Variants in ANKAR observed in about 807,000 individuals in gnomAD.
ANKAR encodes the protein ankyrin and armadillo repeat-containing protein.
Under a neutral mutation model 146.2 loss-of-function variants are expected in ANKAR, and 136 were observed. The ratio of observed to expected loss-of-function variants is 0.93; its 90% CI spans 0.81 to 1.07. The LOEUF (loss-of-function observed/expected upper bound fraction) is 1.07, where lower values mean the gene tolerates loss of function less well. Ranked by LOEUF, ANKAR falls within the 50% of genes least tolerant of loss-of-function variation. The pLI is 0.00. For synonymous variants in ANKAR, 500 were observed against 575.8 expected (o/e 0.87, Z 1.88); for missense variants, 1,567 against 1,679.9 (o/e 0.93, Z 1.18).
At chr2:189,754,245 A>C (rs923450772) in intron 18 of ANKAR, 1 of 1,613,794 alleles carries the variant, frequency 6.2e-7, no homozygotes, top group Non-Finnish European at 8.5e-7. Flanking sequence ...TTTGATGTCA[A>C]AATGAAATCT....
At chr2:189,690,924 A>G (rs924092634) in intron 3 of ANKAR, among the ~76,000 whole-genome samples, 1 of 152,178 alleles carries the variant, frequency 6.6e-6, no homozygotes, top group African/African-American at 2.4e-5. Context: ...CAGGGTGTAT[A>G]GTGTATATTA....
chr2:189,687,227 G>T (rs1408785919), intron 2 of ANKAR, among the ~76,000 whole-genome samples: 1 of 152,056 alleles, frequency 6.6e-6, no homozygotes, highest in South Asian at 2.1e-4. Context: ...TGCAAAGTTT[G>T]TCTTTCTGTG....
intron 11 of ANKAR, 130 bp downstream of exon 11, chr2:189,719,943 G>A: frequency 9.4e-7 from 1 of 1,065,590 alleles, no homozygotes; most frequent in Non-Finnish European, 1.3e-6. Flanking sequence ...GGAAAAGGGA[G>A]AGAGGGTGCC....
At chr2:189,714,810 G>C (rs1033138683) in intron 10 of ANKAR, among the ~76,000 whole-genome samples, 1 of 151,996 alleles carries the variant, frequency 6.6e-6, no homozygotes, top group Non-Finnish European at 1.5e-5. Context: ...GCCAGGCGTG[G>C]TGGTGGGTAC....
In ANKAR at chr2:189,705,110, C is replaced by T. The variant is rs759825015; in HGVS notation, c.1796C>T (p.Ser599Phe). The change falls in exon 8 of 23, where the codon TCT becomes TTT. Residue 599 changes from serine (S) to phenylalanine (F), a missense_variant. Coordinates refer to ENST00000684021, the MANE Select transcript of ANKAR (RefSeq NM_001378068.1). ...LLCSKADYTL[S>F]EKRGWMPIHF... ...TGTTCCAAAGCTGATTACACGCTTT[C>T]TGAAAAAAGAGGCTGGATGCCGATT... 5 of 1,613,926 alleles carry T rather than the reference C, an allele frequency of 3.1e-6. No individual in the cohort carries two copies. The highest frequency in any genetic ancestry group is 1.1e-5 in the South Asian group (1 of 91,078).
At chr2:189,760,103 G>A (rs1350774326) in intron 18 of ANKAR, among the ~76,000 whole-genome samples, 1 of 152,218 alleles carries the variant, frequency 6.6e-6, no homozygotes, top group Non-Finnish European at 1.5e-5. Flanking sequence ...AGCATCCCAA[G>A]GCAGAAGGAT....
chr2:189,706,433 A>G (rs1202731870), intron 8 of ANKAR, among the ~76,000 whole-genome samples: 2 of 152,112 alleles, frequency 1.3e-5, no homozygotes, highest in Non-Finnish European at 2.9e-5. Flanking sequence ...GGGAAATGTA[A>G]TATTGCACTG....
chr2:189,693,768 A>G (rs530419981), intron 5 of ANKAR, among the ~76,000 whole-genome samples: 2 of 151,948 alleles, frequency 1.3e-5, no homozygotes, highest in African/African-American at 4.8e-5. Context: ...TTTGTTTATG[A>G]GACAGAGTCT....
downstream of ANKAR, chr2:189,762,571 C>A (rs2047270264): frequency 5.1e-6 from 5 of 984,882 alleles, no homozygotes; most frequent in Non-Finnish European, 6.0e-6. Context: ...ACCCACGTGA[C>A]TTGGGTAGCG....
intron 10 of ANKAR, among the ~76,000 whole-genome samples, chr2:189,718,370 A>G (rs1025886964): frequency 2.0e-3 from 300 of 151,360 alleles, no homozygotes; most frequent in African/African-American, 6.7e-3. Flanking sequence ...ACACACACAC[A>G]CACACACACA....
intron 22 of ANKAR, among the ~76,000 whole-genome samples, chr2:189,745,027 C>CTACTACTACTAATACTAATAATAA (rs376824673): frequency 1.5e-5 from 2 of 131,094 alleles, no homozygotes; most frequent in Non-Finnish European, 3.2e-5. Context: ...ACTACTACTA[C>CTACTACTACTAATACTAATAATAA]TAATAATACA....
intron 9 of ANKAR, 31 bp downstream of exon 9, chr2:189,707,177 C>A: frequency 8.2e-7 from 1 of 1,216,624 alleles, no homozygotes; most frequent in Non-Finnish European, 1.1e-6. Flanking sequence ...AATACATGTT[C>A]TGATTATTAT....
chr2:189,727,593 G>A (rs886483852), intron 12 of ANKAR, among the ~76,000 whole-genome samples: 2 of 149,952 alleles, frequency 1.3e-5, no homozygotes, highest in Non-Finnish European at 3.0e-5. Flanking sequence ...AATGCAGGCT[G>A]TTGTTTTAAA....
At chr2:189,751,909 G>A (rs2045322735) in intron 18 of ANKAR, among the ~76,000 whole-genome samples, 1 of 151,510 alleles carries the variant, frequency 6.6e-6, no homozygotes, top group Non-Finnish European at 1.5e-5. Context: ...ATTTTGGGAG[G>A]CCGAGGTGGG....
intron 18 of ANKAR, among the ~76,000 whole-genome samples, 163 bp from the exon 19 acceptor site, chr2:189,738,401 CT>C (rs1211201965): frequency 2.6e-5 from 4 of 151,972 alleles, no homozygotes; most frequent in Non-Finnish European, 1.5e-5. Flanking sequence ...GACAAATACT[CT>C]AACTCTCCCC....
chr2:189,718,462 G>A (rs535410206), intron 10 of ANKAR, among the ~76,000 whole-genome samples: 16 of 152,190 alleles, frequency 1.1e-4, no homozygotes, highest in Admixed American at 5.2e-4. Flanking sequence ...TTGAACTCAC[G>A]TGAGATGCTC....
rs918168089 is a variant in ANKAR at position 189,743,479 on chromosome 2, G to C, written c.4010+5G>C. 1.2e-6 allele frequency: 2 copies of C among 1,611,154 alleles called. No homozygotes were observed. Among genetic ancestry groups the C allele is most frequent in the Admixed American group, 3.3e-5 (2 of 59,914 alleles). ...GGTGGGACTTCCTTCCTTAAGGTAT[G>C]GTCCTATGTTAGAAGTTGCAGTAGT... On this transcript the variant is annotated splice_donor_5th_base_variant and intron_variant, in intron 21 of 22. Transcript: ENST00000684021.
downstream of ANKAR, chr2:189,761,365 G>T (rs1439805602): frequency 6.5e-7 from 1 of 1,540,822 alleles, no homozygotes; most frequent in Non-Finnish European, 8.7e-7. Flanking sequence ...AAATACAAAA[G>T]AATGATTTTA....
intron 7 of ANKAR, among the ~76,000 whole-genome samples, chr2:189,704,734 T>A (rs1372328542): frequency 7.3e-5 from 11 of 150,512 alleles, no homozygotes; most frequent in Admixed American, 2.0e-4. Flanking sequence ...TTTATTTTTT[T>A]AAATATTTAA....
Sources: allele counts gnomAD v4.1 joint callset (sites outside exome capture counted in the v4.1 genomes callset), GRCh38; gene constraint gnomAD v4.1.1; transcripts MANE v1.5; gene names NCBI Gene and HGNC (gene_info 2026-07-23, HGNC 2026-07-21).